Variants in ROBO2 observed in about 807,000 individuals in gnomAD.
The protein encoded by ROBO2 is roundabout homolog 2.
In ROBO2, 53 loss-of-function variants were observed where a neutral mutation model predicts 160.8. That is an observed-to-expected ratio of 0.33 (90% CI 0.26 to 0.41). The LOEUF is 0.41. ROBO2 is among the 10% of genes least tolerant of loss of function. ROBO2 has a pLI of 1.00. For synonymous variants in ROBO2, 664 were observed against 611.7 expected, an observed-to-expected ratio of 1.09 and a Z score of -1.26; for missense variants, 1,577 against 1,722.4, an observed-to-expected ratio of 0.92 and a Z score of 1.49.
At chr3:77,522,966 G>A in intron 6 of ROBO2, 64 bp downstream of exon 6, 1 of 1,573,428 alleles carries the variant, frequency 6.4e-7, no homozygotes, top group Middle Eastern at 1.7e-4. Flanking sequence ...AAATTGGTAA[G>A]TGAACTTACG....
At chr3:76,435,886 T>G (rs1276407965) in intron 2 of ROBO2, among the ~76,000 whole-genome samples, 2 of 152,170 alleles carry the variant, frequency 1.3e-5, no homozygotes, top group Non-Finnish European at 2.9e-5. Context: ...ACCAAACTCA[T>G]TTTTCACTGT....
At chr3:76,163,960 T>C (rs1369226516) in intron 2 of ROBO2, among the ~76,000 whole-genome samples, 1 of 152,224 alleles carries the variant, frequency 6.6e-6, no homozygotes, top group Non-Finnish European at 1.5e-5. Context: ...AAAAGATTTC[T>C]CTGTCTCATG....
At chr3:76,966,263 A>T (rs1425991889) in intron 2 of ROBO2, among the ~76,000 whole-genome samples, 1 of 152,164 alleles carries the variant, frequency 6.6e-6, no homozygotes, top group Non-Finnish European at 1.5e-5. Flanking sequence ...TAAAGTGCAG[A>T]CACTGATGGT....
At chr3:76,333,445 C>T (rs2073642159) in intron 2 of ROBO2, among the ~76,000 whole-genome samples, 1 of 152,066 alleles carries the variant, frequency 6.6e-6, no homozygotes, top group Admixed American at 6.5e-5. Context: ...AGAAAAAATA[C>T]ATAGTTATGT....
chr3:76,591,058 C>G (rs2086385944), intron 2 of ROBO2, among the ~76,000 whole-genome samples: 1 of 152,024 alleles, frequency 6.6e-6, no homozygotes, highest in Admixed American at 6.6e-5. Context: ...GTTAAAAAAT[C>G]CATGTATAAC....
At chr3:76,098,567 A>G (rs2069549391) in intron 2 of ROBO2, among the ~76,000 whole-genome samples, 1 of 151,802 alleles carries the variant, frequency 6.6e-6, no homozygotes, top group South Asian at 2.1e-4. Context: ...AATCAAATAA[A>G]TATGAAAAAA....
intron 23 of ROBO2, among the ~76,000 whole-genome samples, chr3:77,624,866 A>G (rs1303884570): frequency 6.6e-6 from 1 of 152,154 alleles, no homozygotes; most frequent in African/African-American, 2.4e-5. Context: ...CCTGAAACCA[A>G]TCAGAATATT....
intron 2 of ROBO2, among the ~76,000 whole-genome samples, chr3:76,721,422 G>A (rs914291221): frequency 2.6e-5 from 4 of 152,146 alleles, no homozygotes; most frequent in East Asian, 3.9e-4. Context: ...TATAATAGAC[G>A]GAACTGTCGT....
At chr3:76,283,559 G>T (rs1223761296) in intron 2 of ROBO2, among the ~76,000 whole-genome samples, 1 of 151,864 alleles carries the variant, frequency 6.6e-6, no homozygotes, top group African/African-American at 2.4e-5. Flanking sequence ...TAGCAATATA[G>T]AATAGCTATC....
chr3:77,140,677 C>G (rs1308769216), intron 2 of ROBO2, among the ~76,000 whole-genome samples: 1 of 152,126 alleles, frequency 6.6e-6, no homozygotes, highest in East Asian at 1.9e-4. Flanking sequence ...CTTCAATACT[C>G]CCAACACTTT....
chr3:77,052,861 C>T (rs973865975), intron 1 of ROBO2, among the ~76,000 whole-genome samples: 1 of 152,118 alleles, frequency 6.6e-6, no homozygotes, highest in African/African-American at 2.4e-5. Context: ...TTGCAATACT[C>T]TTGAGAGTTT....
intron 2 of ROBO2, among the ~76,000 whole-genome samples, chr3:77,466,868 T>C (rs2082816469): frequency 6.6e-6 from 1 of 152,192 alleles, no homozygotes; most frequent in Non-Finnish European, 1.5e-5. Flanking sequence ...ACTCATGACA[T>C]CTGGCAGTTA....
chr3:75,992,329 C>T (rs1267265518), intron 2 of ROBO2, among the ~76,000 whole-genome samples: 1 of 152,116 alleles, frequency 6.6e-6, no homozygotes, highest in Non-Finnish European at 1.5e-5. Flanking sequence ...GGACTTGGTG[C>T]CCTGTATCTC....
chr3:76,676,888 T>C lies in ROBO2; in HGVS notation c.110-421126T>C, dbSNP rs528337136. 2.6e-5 allele frequency among the ~76,000 whole-genome samples: 4 copies of C among 152,248 alleles called. No individual in the cohort carries two copies. The South Asian group carries it at 8.3e-4, about 32-fold the overall frequency. On this transcript the variant is annotated intron_variant, in intron 2 of 26. Coordinates refer to the ROBO2 transcript ENST00000487694. ...ATTTGAGGTTTCTTCTTTAGGTTCA[T>C]GCCCATCACCTGAGGAAGGTACCAC...
intron 2 of ROBO2, among the ~76,000 whole-genome samples, chr3:76,782,514 C>T (rs2062711170): frequency 6.6e-6 from 1 of 150,516 alleles, no homozygotes; most frequent in Non-Finnish European, 1.5e-5. Flanking sequence ...TTGCTATTTC[C>T]TTCTTCAGTT....
intron 2 of ROBO2, among the ~76,000 whole-genome samples, chr3:76,228,292 T>A (rs1215733521): frequency 6.6e-6 from 1 of 151,952 alleles, no homozygotes; most frequent in Non-Finnish European, 1.5e-5. Flanking sequence ...TGTATGGGGG[T>A]TATGAAACCA....
chr3:77,254,141 G>A (rs971424809), intron 2 of ROBO2, among the ~76,000 whole-genome samples: 1 of 152,148 alleles, frequency 6.6e-6, no homozygotes, highest in Non-Finnish European at 1.5e-5. Context: ...GTATGGTGGT[G>A]CACCTGTGGT....
chr3:76,278,760 G>C (rs1034081040), intron 2 of ROBO2, among the ~76,000 whole-genome samples: 11 of 151,924 alleles, frequency 7.2e-5, no homozygotes, highest in African/African-American at 2.7e-4. Context: ...TATCTTTAGG[G>C]GGAATAGAGA....
At chr3:76,946,942 T>C (rs1241833615) in intron 2 of ROBO2, among the ~76,000 whole-genome samples, 2 of 152,248 alleles carry the variant, frequency 1.3e-5, no homozygotes, top group Non-Finnish European at 2.9e-5. Flanking sequence ...TTTGTCTTTC[T>C]TTCCGTAATG....
Sources: allele counts gnomAD v4.1 joint callset (sites outside exome capture counted in the v4.1 genomes callset), GRCh38; gene constraint gnomAD v4.1.1; transcripts MANE v1.5; gene names NCBI Gene and HGNC (gene_info 2026-07-23, HGNC 2026-07-21).